Variants in CTNNA3 observed in about 807,000 individuals in gnomAD.
CTNNA3 encodes catenin alpha-3.
CTNNA3 carries 76 observed loss-of-function variants against 95.7 expected under a neutral mutation model. The observed-to-expected ratio is 0.79, with a 90% CI of 0.66 to 0.96. The LOEUF (loss-of-function observed/expected upper bound fraction) is 0.96. CTNNA3 is among the 40% of genes least tolerant of loss of function. The probability of loss-of-function intolerance (pLI) is 0.00; values close to 1 mark genes in which losing one functional copy is unlikely to be tolerated. For synonymous variants in CTNNA3, 431 were observed against 374.4 expected, an observed-to-expected ratio of 1.15 and a Z score of -1.74; for missense variants, 1,191 against 1,089.8, an observed-to-expected ratio of 1.09 and a Z score of -1.31.
Position 66,472,123 on chromosome 10 carries a change from T to C in CTNNA3, c.1531+48494A>G, listed in dbSNP as rs370091512. 1.3e-4 allele frequency among the ~76,000 whole-genome samples: 20 copies of C among 152,124 alleles called. 1 individual carries two copies. The East Asian group carries it at 2.5e-3, about 19-fold the overall frequency. ...AAAAGCTAAAGAAAGAATAAGATGCTAGCCTATATACACATCATAGAAGCT... is the reference window on the plus strand; with the variant it reads ...AAAAGCTAAAGAAAGAATAAGATGCCAGCCTATATACACATCATAGAAGCT... On this transcript the variant is annotated intron_variant, in intron 11 of 17. Coordinates refer to ENST00000433211, the MANE Select transcript of CTNNA3 (RefSeq NM_013266.4).
intron 12 of CTNNA3, among the ~76,000 whole-genome samples, chr10:66,287,865 G>A (rs1184475710): frequency 6.6e-6 from 1 of 152,064 alleles, no homozygotes; most frequent in Non-Finnish European, 1.5e-5. Context: ...GAATCCAAAA[G>A]ATCAAAACGT....
chr10:67,745,587 C>T (rs920728846), intron 1 of CTNNA3, among the ~76,000 whole-genome samples: 1 of 151,228 alleles, frequency 6.6e-6, no homozygotes, highest in Admixed American at 6.6e-5. Context: ...GTGCAGCACA[C>T]CAACATGGCA....
chr10:67,690,907 C>T (rs1016733689), intron 1 of CTNNA3, among the ~76,000 whole-genome samples: 1 of 152,190 alleles, frequency 6.6e-6, no homozygotes, highest in African/African-American at 2.4e-5. Flanking sequence ...CGGTCTCCCT[C>T]TCCCTCTCTT....
intron 17 of CTNNA3, 36 bp downstream of exon 17, chr10:65,966,576 C>T: frequency 6.4e-7 from 1 of 1,566,506 alleles, no homozygotes; most frequent in Non-Finnish European, 8.7e-7. Flanking sequence ...CAAGCATCTT[C>T]CACCTGTGAT....
chr10:67,566,064 T>A, intron 3 of CTNNA3, among the ~76,000 whole-genome samples: 1 of 95,412 alleles, frequency 1.0e-5, no homozygotes, highest in Non-Finnish European at 2.1e-5. Flanking sequence ...TATATATATA[T>A]ATATATATAC....
chr10:66,146,282 C>T lies in CTNNA3; in HGVS notation c.1885-43033G>A, dbSNP rs552976441. Among the ~76,000 whole-genome samples, 158 of 152,272 alleles carry T rather than the reference C, an allele frequency of 1.0e-3. 1 individual carries two copies. Among genetic ancestry groups the T allele is most frequent in the Non-Finnish European group, 1.9e-3 (132 of 68,018 alleles). ...TAGTCAAACCAGGAGTAGCAACTGC[C>T]TCTACTGAATAAAATACAACAGTGT... On this transcript the variant is annotated intron_variant, in intron 13 of 17. Transcript: ENST00000433211.
chr10:66,531,684 T>A (rs976411318), intron 10 of CTNNA3, among the ~76,000 whole-genome samples: 2 of 152,182 alleles, frequency 1.3e-5, no homozygotes, highest in Admixed American at 6.5e-5. Context: ...CCAATTTTTT[T>A]AAGTCTGAGT....
chr10:67,604,417 TC>T (rs1843193728), intron 3 of CTNNA3, among the ~76,000 whole-genome samples: 1 of 152,012 alleles, frequency 6.6e-6, no homozygotes, highest in Non-Finnish European at 1.5e-5. Context: ...AAAAAGATAG[TC>T]CCCCTGATCC....
intron 9 of CTNNA3, among the ~76,000 whole-genome samples, chr10:66,634,783 CAT>C (rs1845279076): frequency 6.6e-6 from 1 of 152,030 alleles, no homozygotes; most frequent in South Asian, 2.1e-4. Flanking sequence ...TCTAAGTGGA[CAT>C]ATGTCAACAT....
At position 66,840,360 on chromosome 10, in the gene CTNNA3, TCTCTCTCTCTCTCA is replaced by T. The variant is rs1380411132; in HGVS notation, c.1048-64850_1048-64837del. Among the ~76,000 whole-genome samples, 611 of 118,764 alleles carry T rather than the reference TCTCTCTCTCTCTCA, an allele frequency of 5.1e-3. 1 individual carries two copies. The highest frequency in any genetic ancestry group is 0.017 in the African/African-American group (420 of 24,452). 77.9% of individuals were successfully genotyped at this position (118,764 alleles called of 152,430 possible). ...CTCTCTCTCTCTCTCTCTCTCTCTC[TCTCTCTCTCTCTCA>T]CACACACACACACACACACACACAC... On this transcript the variant is annotated intron_variant, in intron 7 of 17. Coordinates refer to ENST00000433211, the MANE Select transcript of CTNNA3 (RefSeq NM_013266.4).
At chr10:67,443,319 G>C (rs1221014712) in intron 5 of CTNNA3, among the ~76,000 whole-genome samples, 1 of 146,372 alleles carries the variant, frequency 6.8e-6, no homozygotes, top group African/African-American at 2.5e-5. Context: ...CCAGTAATGG[G>C]ATGGCTGGGT....
intron 9 of CTNNA3, among the ~76,000 whole-genome samples, chr10:66,626,850 G>T (rs761718191): frequency 2.0e-5 from 3 of 152,100 alleles, no homozygotes; most frequent in Non-Finnish European, 4.4e-5. Context: ...GAGGTGTAAG[G>T]ACTGTATAAT....
intron 11 of CTNNA3, among the ~76,000 whole-genome samples, chr10:66,474,669 TG>T (rs1348531717): frequency 6.6e-6 from 1 of 152,072 alleles, no homozygotes; most frequent in Non-Finnish European, 1.5e-5. Context: ...AGTAACAGTA[TG>T]TAAGTGTTCT....
chr10:66,804,259 T>C (rs556608943), intron 7 of CTNNA3, among the ~76,000 whole-genome samples: 1 of 152,148 alleles, frequency 6.6e-6, no homozygotes, highest in African/African-American at 2.4e-5. Context: ...TTCAAGCAGT[T>C]AGTCTAGGTT....
intron 10 of CTNNA3, among the ~76,000 whole-genome samples, chr10:66,533,094 T>G (rs1841527826): frequency 6.6e-6 from 1 of 152,164 alleles, no homozygotes; most frequent in Admixed American, 6.5e-5. Context: ...AATTCCTGCC[T>G]CCTCTTTTAT....
intron 13 of CTNNA3, among the ~76,000 whole-genome samples, chr10:66,104,956 A>G (rs909735124): frequency 6.6e-6 from 1 of 152,206 alleles, no homozygotes; most frequent in African/African-American, 2.4e-5. Context: ...CCAATTTCCT[A>G]TTCATTAATG....
At chr10:66,248,047 A>G (rs1297009853) in intron 13 of CTNNA3, among the ~76,000 whole-genome samples, 1 of 152,242 alleles carries the variant, frequency 6.6e-6, no homozygotes, top group Non-Finnish European at 1.5e-5. Context: ...AAAGGATTAC[A>G]TCTTTTCAAG....
chr10:67,395,958 A>G (rs1002061621), intron 5 of CTNNA3, among the ~76,000 whole-genome samples: 1 of 152,176 alleles, frequency 6.6e-6, no homozygotes, highest in Non-Finnish European at 1.5e-5. Flanking sequence ...CTATCTATGT[A>G]TATTTTTTAG....
At chr10:67,079,070 CA>C (rs1856896399) in intron 7 of CTNNA3, among the ~76,000 whole-genome samples, 1 of 152,150 alleles carries the variant, frequency 6.6e-6, no homozygotes. Flanking sequence ...TTCAAGCCAC[CA>C]ATAATTCATA....
Sources: gnomAD v4.1 joint callset for allele counts (sites outside exome capture counted in the v4.1 genomes callset) on GRCh38, gnomAD v4.1.1 for gene constraint, MANE v1.5 for transcripts, NCBI Gene and HGNC (gene_info 2026-07-23, HGNC 2026-07-21) for gene names.